Variants in ULK4 observed in about 807,000 individuals in gnomAD.
The protein encoded by ULK4 is inactive serine/threonine-protein kinase ULK4.
In ULK4, 133 loss-of-function variants were observed where a neutral mutation model predicts 160.6. The ratio of observed to expected loss-of-function variants is 0.83; its 90% CI spans 0.72 to 0.96. ULK4 has a LOEUF of 0.96. Among genes scored for constraint, ULK4 ranks in the 40% least tolerant of loss-of-function variants. ULK4 has a pLI of 0.00. For synonymous variants in ULK4, 534 were observed against 539.8 expected (o/e 0.99, Z 0.15); for missense variants, 1,580 against 1,499.5 (o/e 1.05, Z -0.89).
At chr3:41,809,187 A>C (rs1035025493) in intron 19 of ULK4, among the ~76,000 whole-genome samples, 32 of 147,030 alleles carry the variant, frequency 2.2e-4, no homozygotes, top group South Asian at 1.3e-3. Context: ...AAAAAAAAAA[A>C]CAAAAAAAAA....
At chr3:41,864,272 C>T (rs1039389417) in intron 17 of ULK4, among the ~76,000 whole-genome samples, 1 of 152,172 alleles carries the variant, frequency 6.6e-6, no homozygotes, top group Non-Finnish European at 1.5e-5. Flanking sequence ...CTCCCTCCCC[C>T]AGTGCCCAGA....
At chr3:41,833,619 A>T (rs995155966) in intron 18 of ULK4, among the ~76,000 whole-genome samples, 1 of 152,102 alleles carries the variant, frequency 6.6e-6, no homozygotes. Context: ...TCTTTGTAGC[A>T]ACTGTCAATG....
chr3:41,506,767 A>AAAAAAAAAAAAAAAAAAAATATAT, intron 32 of ULK4, among the ~76,000 whole-genome samples: 45 of 56,792 alleles, frequency 7.9e-4, no homozygotes, highest in Non-Finnish European at 1.3e-3. Context: ...TGTGATTTAA[A>AAAAAAAAAAAAAAAAAAAATATAT]ATATATATAT....
intron 29 of ULK4, among the ~76,000 whole-genome samples, chr3:41,665,144 A>G (rs1454421998): frequency 6.6e-6 from 1 of 152,222 alleles, no homozygotes; most frequent in African/African-American, 2.4e-5. Flanking sequence ...TATAAAACAG[A>G]TGCCTTTCAT....
At chr3:41,288,191 G>A (rs143827225) in intron 35 of ULK4, among the ~76,000 whole-genome samples, 191 of 152,086 alleles carry the variant, frequency 1.3e-3, no homozygotes, top group African/African-American at 4.4e-3. Context: ...AATACAGCAA[G>A]TAGTAGACAT....
Position 41,389,171 on chromosome 3 carries a change from C to G in ULK4, c.3678+8908G>C, listed in dbSNP as rs535112900. Among the ~76,000 whole-genome samples, 7 of 151,014 alleles carry G rather than the reference C, an allele frequency of 4.6e-5. No homozygotes were observed. In the East Asian group the frequency reaches 7.9e-4, roughly 17 times the overall value. ...GGGAGTTCACTCATGATTTGGCTCT[C>G]TGTCTGTTATTGGTGTATAAGAATG... is the stretch of plus-strand genomic sequence containing the variant. On this transcript the variant is annotated intron_variant, in intron 35 of 36. Transcript: ENST00000301831.
intron 31 of ULK4, among the ~76,000 whole-genome samples, chr3:41,607,615 T>C (rs1399329326): frequency 6.6e-6 from 1 of 152,216 alleles, no homozygotes; most frequent in African/African-American, 2.4e-5. Context: ...ATTTATCCTA[T>C]AGAAACTCAC....
In ULK4 at chr3:41,773,560, T is replaced by A. The variant is rs531509673; in HGVS notation, c.2193+16101A>T. On this transcript the variant is annotated intron_variant, in intron 21 of 36. Transcript: ENST00000301831. ...AGGAGAACTACAAACCACTGCTCAATGAAATTAAAGAGGATACAAACAAAT... is the reference window on the plus strand; with the variant it reads ...AGGAGAACTACAAACCACTGCTCAAAGAAATTAAAGAGGATACAAACAAAT... Among the ~76,000 whole-genome samples, 369 of 152,084 alleles carry A rather than the reference T, an allele frequency of 2.4e-3. 1 individual carries two copies. Among genetic ancestry groups the A allele is most frequent in the Middle Eastern group, 0.017 (5 of 294 alleles).
chr3:41,662,027 C>T (rs560470138), intron 30 of ULK4, among the ~76,000 whole-genome samples: 1 of 152,232 alleles, frequency 6.6e-6, no homozygotes, highest in East Asian at 1.9e-4. Flanking sequence ...TCTGTTCAAT[C>T]TAATGAAAGG....
intron 35 of ULK4, among the ~76,000 whole-genome samples, chr3:41,260,566 T>TGATTAGTAAGCGGGGGATCCATGATTA (rs1305672658): frequency 6.6e-6 from 1 of 152,222 alleles, no homozygotes; most frequent in Non-Finnish European, 1.5e-5. Flanking sequence ...AGTGAGGCCC[T>TGATTAGTAAGCGGGGGATCCATGATTA]GTCCATGATT....
chr3:41,679,342 C>T (rs1045295085), intron 29 of ULK4, among the ~76,000 whole-genome samples: 2 of 152,172 alleles, frequency 1.3e-5, no homozygotes, highest in African/African-American at 2.4e-5. Flanking sequence ...GTACTATTAT[C>T]CCCGTTCTAC....
intron 21 of ULK4, among the ~76,000 whole-genome samples, chr3:41,782,525 G>T (rs2039880135): frequency 6.6e-6 from 1 of 152,052 alleles, no homozygotes; most frequent in Admixed American, 6.6e-5. Context: ...AAGTATCTCG[G>T]CTGAAAATTT....
At chr3:41,412,255 A>T (rs546767102) in intron 34 of ULK4, among the ~76,000 whole-genome samples, 1 of 151,926 alleles carries the variant, frequency 6.6e-6, no homozygotes, top group Admixed American at 6.6e-5. Context: ...TGTGCATGAA[A>T]AATACAAAAT....
chr3:41,809,611 C>T (rs527563496), intron 19 of ULK4, among the ~76,000 whole-genome samples: 14 of 152,266 alleles, frequency 9.2e-5, no homozygotes, highest in African/African-American at 3.4e-4. Context: ...TCTCCTCTCC[C>T]CTGCTCTGCA....
At chr3:41,355,907 G>C (rs528936431) in intron 35 of ULK4, among the ~76,000 whole-genome samples, 74 of 152,292 alleles carry the variant, frequency 4.9e-4, no homozygotes, top group Non-Finnish European at 2.9e-5. Context: ...GAAAGAGCTA[G>C]CTTAAAAATG....
At chr3:41,923,337 A>G (rs1040043956) in intron 5 of ULK4, among the ~76,000 whole-genome samples, 6 of 151,978 alleles carry the variant, frequency 3.9e-5, no homozygotes, top group African/African-American at 1.2e-4. Flanking sequence ...CATCTCTACT[A>G]AAAATACAAA....
chr3:41,398,323 A>C, intron 34 of ULK4, 59 bp from the exon 35 acceptor site: 1 of 1,563,994 alleles, frequency 6.4e-7, no homozygotes, highest in Non-Finnish European at 8.7e-7. Flanking sequence ...AGTACTCAAA[A>C]AAAACACAGT....
chr3:41,547,880 G>A (rs2086918281), intron 32 of ULK4, among the ~76,000 whole-genome samples: 1 of 152,160 alleles, frequency 6.6e-6, no homozygotes. Context: ...GTGAGCCAGG[G>A]AGGCTGCTCT....
intron 17 of ULK4, chr3:41,854,947 C>G (rs1349755128): frequency 9.3e-6 from 1 of 107,044 alleles, no homozygotes; most frequent in Non-Finnish European, 1.7e-5. Flanking sequence ...CCATCCTTGG[C>G]TTAAAAAAAA....
Sources: allele counts gnomAD v4.1 joint callset (sites outside exome capture counted in the v4.1 genomes callset), GRCh38; gene constraint gnomAD v4.1.1; transcripts MANE v1.5; gene names NCBI Gene and HGNC (gene_info 2026-07-23, HGNC 2026-07-21).